Variants in CUX1 observed in about 807,000 individuals in gnomAD.
CUX1 encodes cut like homeobox 1.
In CUX1, 31 loss-of-function variants were observed where a neutral mutation model predicts 158.8. The ratio of observed to expected loss-of-function variants is 0.20; its 90% CI spans 0.15 to 0.26. The LOEUF is 0.26. CUX1 is among the 10% of genes least tolerant of loss of function. The pLI is 1.00. For missense variants in CUX1, 1,589 were observed against 2,014.6 expected (o/e 0.79, Z 4.04); for synonymous variants, 879 against 862.1 (o/e 1.02, Z -0.34).
chr7:101,949,017 C>T (rs1298025609), intron 2 of CUX1, among the ~76,000 whole-genome samples: 2 of 152,170 alleles, frequency 1.3e-5, no homozygotes, highest in East Asian at 1.9e-4. Context: ...ACGGTGACAT[C>T]CAAGTGGCAT....
At chr7:101,981,801 G>A (rs1248493319) in intron 2 of CUX1, among the ~76,000 whole-genome samples, 2 of 152,040 alleles carry the variant, frequency 1.3e-5, no homozygotes, top group African/African-American at 4.8e-5. Context: ...AGAAGAAACG[G>A]GGTTTCACCA....
chr7:101,837,115 G>A (rs933843463), intron 1 of CUX1, among the ~76,000 whole-genome samples: 1 of 152,184 alleles, frequency 6.6e-6, no homozygotes, highest in Admixed American at 6.5e-5. Flanking sequence ...GGCTTGGCAT[G>A]GACTTACAGT....
At chr7:102,021,340 G>GA (rs1286706291) in intron 2 of CUX1, among the ~76,000 whole-genome samples, 1 of 152,026 alleles carries the variant, frequency 6.6e-6, no homozygotes, top group Non-Finnish European at 1.5e-5. Flanking sequence ...ACAGGGTCTT[G>GA]CTCTGTCACC....
intron 1 of CUX1, among the ~76,000 whole-genome samples, chr7:101,889,364 C>T (rs1289494005): frequency 6.6e-6 from 1 of 151,918 alleles, no homozygotes; most frequent in Non-Finnish European, 1.5e-5. Context: ...GGCTTTTTCC[C>T]TATTCCAGGT....
At chr7:101,824,009 G>T (rs1465807191) in intron 1 of CUX1, among the ~76,000 whole-genome samples, 1 of 152,170 alleles carries the variant, frequency 6.6e-6, no homozygotes, top group East Asian at 1.9e-4. Flanking sequence ...TTAAACTGGG[G>T]CTTTCTCCCT....
intron 6 of CUX1, among the ~76,000 whole-genome samples, chr7:102,105,175 TTACACACA>T (rs781833023): frequency 1.8e-3 from 188 of 106,498 alleles, no homozygotes; most frequent in Non-Finnish European, 3.1e-3. Flanking sequence ...ATATTTAATA[TTACACACA>T]CACACACACA....
In CUX1 at chr7:101,916,150, C is replaced by T; in HGVS notation, c.66C>T (p.Asn22=). Residue 22 remains asparagine, a synonymous_variant, in exon 2 of 24, where the codon AAC becomes AAT. Transcript: ENST00000292535. The surrounding 1 kb of genome is among the most constrained non-coding windows in gnomAD (Gnocchi z 4.4). ...ATGCCACCGCAACGGTATTGGCGAA[C>T]CGGCAGGATGAAAGTGAGCAGTCCA... ...ELDATATVLA[N]RQDESEQSRK... The T allele has an allele frequency of 6.2e-7, 1 of 1,613,972 alleles. No individual in the cohort carries two copies. Among genetic ancestry groups the T allele is most frequent in the Non-Finnish European group, 8.5e-7 (1 of 1,179,920 alleles).
chr7:102,117,313 G>A (rs1585753140), intron 8 of CUX1, among the ~76,000 whole-genome samples: 1 of 137,980 alleles, frequency 7.2e-6, no homozygotes, highest in African/African-American at 2.8e-5. Context: ...CAGGAGAATC[G>A]CTTGAACTCT....
intron 15 of CUX1, chr7:102,274,208 C>T (rs782683560): frequency 2.7e-5 from 43 of 1,591,804 alleles, no homozygotes; most frequent in Admixed American, 3.3e-5. Flanking sequence ...GCCCATTGTG[C>T]GGAGGCACCT....
chr7:101,895,914 T>TGG (rs1554408141), intron 1 of CUX1, among the ~76,000 whole-genome samples: 1 of 131,296 alleles, frequency 7.6e-6, no homozygotes, highest in Non-Finnish European at 1.6e-5. Context: ...TTTTGTTTTT[T>TGG]TTTTTTTTTT....
intron 4 of CUX1, among the ~76,000 whole-genome samples, chr7:102,085,047 T>C (rs182702976): frequency 1.0e-3 from 155 of 152,140 alleles, no homozygotes; most frequent in African/African-American, 3.0e-3. Flanking sequence ...TCTCTCCTAT[T>C]CCTAGCTTGC....
At chr7:101,966,153 C>G (rs1413808518) in intron 2 of CUX1, among the ~76,000 whole-genome samples, 1 of 152,080 alleles carries the variant, frequency 6.6e-6, no homozygotes, top group Non-Finnish European at 1.5e-5. Context: ...CAGCCTCAAC[C>G]TCCCCGGGCT....
chr7:102,244,291 C>A (rs1184087360), intron 23 of CUX1, among the ~76,000 whole-genome samples: 2 of 151,398 alleles, frequency 1.3e-5, no homozygotes, highest in Non-Finnish European at 2.9e-5. Flanking sequence ...CCCACTGGAA[C>A]CCTCAGGGAG....
chr7:102,061,618 C>A (rs1424624618), intron 3 of CUX1, among the ~76,000 whole-genome samples: 1 of 152,208 alleles, frequency 6.6e-6, no homozygotes, highest in Non-Finnish European at 1.5e-5. Flanking sequence ...GGAAATCAAA[C>A]CCTCATGTGC....
intron 2 of CUX1, among the ~76,000 whole-genome samples, chr7:101,978,143 T>C (rs1425781848): frequency 6.6e-6 from 1 of 152,100 alleles, no homozygotes; most frequent in Non-Finnish European, 1.5e-5. Context: ...CCATCGACTC[T>C]CGTGGCTTAA....
At chr7:102,191,548 T>G (rs531510009) in intron 12 of CUX1, among the ~76,000 whole-genome samples, 1 of 152,260 alleles carries the variant, frequency 6.6e-6, no homozygotes, top group Non-Finnish European at 1.5e-5. Context: ...TAACCTTCTC[T>G]ACCTGCCTCT....
intron 16 of CUX1, chr7:102,274,341 G>A (rs781974872): frequency 1.9e-6 from 3 of 1,585,412 alleles, no homozygotes; most frequent in South Asian, 2.2e-5. Flanking sequence ...TGGGAGGAGG[G>A]AGGAGGAGGG....
At chr7:102,079,176 G>A (rs565687375) in intron 4 of CUX1, among the ~76,000 whole-genome samples, 3 of 152,274 alleles carry the variant, frequency 2.0e-5, no homozygotes, top group South Asian at 2.1e-4. Context: ...GGTGACTCAC[G>A]CCTATAATGC....
chr7:102,154,620 A>G (rs1368476666), intron 8 of CUX1, among the ~76,000 whole-genome samples: 1 of 151,918 alleles, frequency 6.6e-6, no homozygotes, highest in Non-Finnish European at 1.5e-5. Flanking sequence ...AAATAAATAA[A>G]TAAATAAATA....
Sources: allele counts gnomAD v4.1 joint callset (sites outside exome capture counted in the v4.1 genomes callset), GRCh38; gene constraint gnomAD v4.1.1; non-coding constraint Gnocchi (gnomAD v3.1); transcripts MANE v1.5; gene names NCBI Gene and HGNC (gene_info 2026-07-23, HGNC 2026-07-21).